EDN3: variants seen among roughly 807,000 people sequenced by gnomAD.
EDN3 encodes endothelin 3.
A neutral mutation model predicts 21.4 loss-of-function variants in EDN3; 9 were observed. The observed-to-expected ratio is 0.42, with a 90% CI of 0.25 to 0.73. The LOEUF is 0.73. Ranked by LOEUF, EDN3 falls within the 30% of genes least tolerant of loss-of-function variation. The pLI is 0.26. For synonymous variants in EDN3, 133 were observed against 126.2 expected, an observed-to-expected ratio of 1.05 and a Z score of -0.36; for missense variants, 327 against 309.4, an observed-to-expected ratio of 1.06 and a Z score of -0.43.
In EDN3 at chr20:59,322,921, T is replaced by G. The variant is rs902422643; in HGVS notation, c.588+504T>G. ...CAGCAGGGTCCCTTGGTTCTCCAGT[T>G]CATTGTATTATTTTTTTTAACCCAC... On this transcript the variant is annotated intron_variant, in intron 4 of 4. Coordinates refer to ENST00000337938, the MANE Select transcript of EDN3 (RefSeq NM_207034.3). The surrounding 1 kb of genome is among the most constrained non-coding windows in gnomAD (Gnocchi z 4.1). Among the ~76,000 whole-genome samples, 2 of 150,080 alleles carry G rather than the reference T, an allele frequency of 1.3e-5. No homozygotes were observed. Among genetic ancestry groups the G allele is most frequent in the Non-Finnish European group, 3.0e-5 (2 of 66,846 alleles).
rs1324852828 is a variant in EDN3 at position 59,300,747 on chromosome 20, A to G, written c.-66A>G. 1 of 1,548,412 alleles carries G rather than the reference A, an allele frequency of 6.5e-7. No individual in the cohort carries two copies. The highest frequency in any genetic ancestry group is 1.8e-5 in the Admixed American group (1 of 54,778). On this transcript the variant is annotated 5_prime_UTR_variant, in exon 1 of 5. Transcript: ENST00000337938. ...GGCGAGGCCAGCTGTACCCGGCCCCAGTGCCCTTTCGCGGCCACAAGCGGC... is the reference window on the plus strand; with the variant it reads ...GGCGAGGCCAGCTGTACCCGGCCCCGGTGCCCTTTCGCGGCCACAAGCGGC...
chr20:59,312,794 T>G (rs1989916527), intron 2 of EDN3, among the ~76,000 whole-genome samples: 1 of 152,036 alleles, frequency 6.6e-6, no homozygotes, highest in African/African-American at 2.4e-5. Context: ...AACATCTGAG[T>G]GGAGTTTGGA....
At chr20:59,308,151 C>T (rs1989554594) in intron 2 of EDN3, among the ~76,000 whole-genome samples, 1 of 152,122 alleles carries the variant, frequency 6.6e-6, no homozygotes, top group Non-Finnish European at 1.5e-5. Context: ...GTTGAGTGTG[C>T]ACTCCAAGCA....
rs11570352 is a variant in EDN3 at position 59,324,605 on chromosome 20, C to G, written c.*146C>G. On this transcript the variant is annotated 3_prime_UTR_variant, in exon 5 of 5. Transcript: ENST00000337938. ...GAGTCCCCACTTAACAATACCCCCCCCCCACGGCAAGAATGCCCAAATCCG... is the reference window on the plus strand; with the variant it reads ...GAGTCCCCACTTAACAATACCCCCCGCCCACGGCAAGAATGCCCAAATCCG... 3.5e-4 allele frequency: 389 copies of G among 1,104,230 alleles called. No individual in the cohort carries two copies. Among genetic ancestry groups the G allele is most frequent in the Non-Finnish European group, 4.2e-4 (319 of 761,466 alleles). 68.4% of individuals were successfully genotyped at this position (1,104,230 alleles called of 1,614,324 possible). A position where few individuals can be genotyped will look rare whatever the true frequency, so the allele number is the denominator to read the frequency against.
In EDN3 at chr20:59,324,650, A is replaced by C; in HGVS notation, c.*191A>C. Reference sequence around the variant, plus strand: ...AATCCGAATGACCCCAGTTTTCCTAATGAGTAAAATGATCCCAGATGTGCC... The same window carrying C: ...AATCCGAATGACCCCAGTTTTCCTACTGAGTAAAATGATCCCAGATGTGCC... On this transcript the variant is annotated 3_prime_UTR_variant, in exon 5 of 5. Coordinates refer to ENST00000337938, the MANE Select transcript of EDN3 (RefSeq NM_207034.3). 3 of 689,556 alleles carry C rather than the reference A, an allele frequency of 4.4e-6. No individual in the cohort carries two copies. The highest frequency in any genetic ancestry group is 4.9e-6 in the Non-Finnish European group (2 of 407,108). 42.7% of individuals were successfully genotyped at this position (689,556 alleles called of 1,614,324 possible). A position where few individuals can be genotyped will look rare whatever the true frequency, so the allele number is the denominator to read the frequency against.
intron 2 of EDN3, among the ~76,000 whole-genome samples, chr20:59,312,043 TA>T (rs11570305): frequency 0.12 from 18,996 of 152,170 alleles, 3,298 homozygotes; most frequent in African/African-American, 0.39. Context: ...GCATTTTTTT[TA>T]ATCCCTTTGC....
At position 59,322,598 on chromosome 20, in the gene EDN3, C is replaced by A; in HGVS notation, c.588+181C>A. 1 of 845,722 alleles carries A rather than the reference C, an allele frequency of 1.2e-6. No individual in the cohort carries two copies. The highest frequency in any genetic ancestry group is 2.0e-6 in the Non-Finnish European group (1 of 511,374). The allele number at this position is 845,722 out of a possible 1,614,324, so 52.4% of individuals were successfully genotyped here. On this transcript the variant is annotated intron_variant, in intron 4 of 4. Transcript: ENST00000337938. The surrounding 1 kb of genome is among the most constrained non-coding windows in gnomAD (Gnocchi z 4.1). ...GCCTTTGGTGGACCGTTTCTGGGGG[C>A]AGAGCGGGCTGAAGCTGTGGACAGC...
At chr20:59,319,448 C>A (rs1352075152) in intron 2 of EDN3, among the ~76,000 whole-genome samples, 1 of 152,128 alleles carries the variant, frequency 6.6e-6, no homozygotes, top group East Asian at 1.9e-4. Flanking sequence ...CATGGTGGCT[C>A]ACACCTGTAA....
In EDN3 at chr20:59,300,834, C is replaced by A; in HGVS notation, c.22C>A (p.Leu8Ile). 1.9e-6 allele frequency: 3 copies of A among 1,611,450 alleles called. No individual in the cohort carries two copies. The highest frequency in any genetic ancestry group is 2.5e-6 in the Non-Finnish European group (3 of 1,179,642). ...GTTCATGGAGCCGGGGCTGTGGCTC[C>A]TTTTCGGGCTCACAGTGACCTCCGC... is the stretch of plus-strand genomic sequence containing the variant. MEPGLWLLFGLTVTSAAG... is the reference protein window; with the variant it reads MEPGLWLIFGLTVTSAAG... The change falls in exon 1 of 5, where the codon CTT (leucine) becomes ATT (isoleucine). Residue 8 changes from leucine to isoleucine, a missense_variant. Physicochemically the swap from Leu to Ile is conservative, Grantham distance 5. Transcript: ENST00000337938.
chr20:59,324,537 T>A lies in EDN3; in HGVS notation c.*78T>A. On this transcript the variant is annotated 3_prime_UTR_variant, in exon 5 of 5. Coordinates refer to ENST00000337938, the MANE Select transcript of EDN3 (RefSeq NM_207034.3). ...CACAGTTCAGATTTCCACCTCTTTATAGACAAGAAGTGAATTTGCCTGGGG... is the reference window on the plus strand; with the variant it reads ...CACAGTTCAGATTTCCACCTCTTTAAAGACAAGAAGTGAATTTGCCTGGGG... 6.3e-7 allele frequency: 1 copy of A among 1,599,254 alleles called. No homozygotes were observed. The highest frequency in any genetic ancestry group is 8.6e-7 in the Non-Finnish European group (1 of 1,168,644).
intron 2 of EDN3, among the ~76,000 whole-genome samples, chr20:59,301,949 T>C (rs1056872175): frequency 6.6e-6 from 1 of 152,130 alleles, no homozygotes; most frequent in Non-Finnish European, 1.5e-5. Context: ...AACTCAATCC[T>C]GAGTTTGATC....
intron 2 of EDN3, among the ~76,000 whole-genome samples, chr20:59,308,178 C>T (rs1297746569): frequency 6.6e-6 from 1 of 152,120 alleles, no homozygotes; most frequent in African/African-American, 2.4e-5. Context: ...AAGGTTTGTC[C>T]TGATGTCAGA....
intron 2 of EDN3, among the ~76,000 whole-genome samples, chr20:59,315,033 C>T (rs1568837415): frequency 6.6e-6 from 1 of 152,090 alleles, no homozygotes. Context: ...TCTATTTCAC[C>T]CTGTCTTAGT....
intron 3 of EDN3, 50 bp downstream of exon 3, chr20:59,321,243 C>G (rs375176392): frequency 1.3e-6 from 2 of 1,598,462 alleles, no homozygotes; most frequent in Middle Eastern, 1.7e-4. Flanking sequence ...CATCAACCCT[C>G]GGCAAGGCCA....
At chr20:59,302,101 T>C (rs1292133635) in intron 2 of EDN3, among the ~76,000 whole-genome samples, 1 of 152,192 alleles carries the variant, frequency 6.6e-6, no homozygotes, top group Non-Finnish European at 1.5e-5. Context: ...AGGGGGCTCA[T>C]ACTCACTGTT....
chr20:59,300,836 T>C lies in EDN3; in HGVS notation c.24T>C (p.Leu8=). The change falls in exon 1 of 5, where the codon CTT becomes CTC. Residue 8 remains leucine (L), a synonymous_variant. Coordinates refer to ENST00000337938, the MANE Select transcript of EDN3 (RefSeq NM_207034.3). MEPGLWL[L]FGLTVTSAAG... ...TCATGGAGCCGGGGCTGTGGCTCCTTTTCGGGCTCACAGTGACCTCCGCCG... is the reference window on the plus strand; with the variant it reads ...TCATGGAGCCGGGGCTGTGGCTCCTCTTCGGGCTCACAGTGACCTCCGCCG... 6.2e-7 allele frequency: 1 copy of C among 1,611,488 alleles called. No homozygotes were observed. Among genetic ancestry groups the C allele is most frequent in the Non-Finnish European group, 8.5e-7 (1 of 1,179,638 alleles).
chr20:59,311,227 T>C (rs1298047795), intron 2 of EDN3, among the ~76,000 whole-genome samples: 2 of 152,050 alleles, frequency 1.3e-5, no homozygotes, highest in Non-Finnish European at 2.9e-5. Flanking sequence ...GATAAATCTA[T>C]TGGAGCTATT....
chr20:59,319,670 G>T (rs1408308263), intron 2 of EDN3, among the ~76,000 whole-genome samples: 1 of 148,080 alleles, frequency 6.8e-6, no homozygotes, highest in Non-Finnish European at 1.5e-5. Context: ...AGGTTGCAGT[G>T]AGCCGAGATC....
intron 2 of EDN3, among the ~76,000 whole-genome samples, chr20:59,318,397 C>T (rs920380549): frequency 6.6e-6 from 1 of 152,236 alleles, no homozygotes; most frequent in African/African-American, 2.4e-5. Context: ...CACATTTGTC[C>T]AGATACAGGA....
Sources: gnomAD v4.1 joint callset for allele counts (sites outside exome capture counted in the v4.1 genomes callset) on GRCh38, gnomAD v4.1.1 for gene constraint, Gnocchi (gnomAD v3.1) non-coding constraint, MANE v1.5 for transcripts, NCBI Gene and HGNC (gene_info 2026-07-23, HGNC 2026-07-21) for gene names.